THSD7A: variants seen among roughly 807,000 people sequenced by gnomAD.
THSD7A encodes thrombospondin type 1 domain containing 7A, also known as thrombospondin type-1 domain-containing protein 7A.
THSD7A carries 96 observed loss-of-function variants against 231.3 expected under a neutral mutation model. The observed-to-expected ratio is 0.41, with a 90% CI of 0.35 to 0.49. The LOEUF is 0.49. Among genes scored for constraint, THSD7A ranks in the 20% least tolerant of loss-of-function variants. The pLI, the probability that THSD7A is intolerant of heterozygous loss-of-function variation, is 0.05. For synonymous variants in THSD7A, 940 were observed against 743.3 expected (o/e 1.26, Z -4.30); for missense variants, 2,290 against 2,070.2 (o/e 1.11, Z -2.06).
intron 1 of THSD7A, among the ~76,000 whole-genome samples, chr7:11,701,797 G>A (rs1302566673): frequency 6.6e-6 from 1 of 151,162 alleles, no homozygotes; most frequent in Non-Finnish European, 1.5e-5. Context: ...CTTCTCAAAT[G>A]ACTGTAAACC....
At position 11,447,388 on chromosome 7, in the gene THSD7A, C is replaced by T; in HGVS notation, c.2642G>A (p.Gly881Glu). ...TGCATACTGTAGGCACTCATGGATTCCAGCCTGTCCTCCATCTTGCTTGCG... is the reference window on the plus strand; with the variant it reads ...TGCATACTGTAGGCACTCATGGATTTCAGCCTGTCCTCCATCTTGCTTGCG... Reference protein sequence around the residue: ...TCRKQDGGQAGIHECLQYAGP... With the variant: ...TCRKQDGGQAEIHECLQYAGP... Residue 881 changes from glycine to glutamate, a missense_variant, in exon 12 of 28, where the codon GGA (glycine) becomes GAA (glutamate). Coordinates refer to ENST00000423059, the MANE Select transcript of THSD7A (RefSeq NM_015204.3). The T allele has an allele frequency of 3.1e-6, 5 of 1,593,292 alleles. No homozygotes were observed. The highest frequency in any genetic ancestry group is 4.3e-6 in the Non-Finnish European group (5 of 1,171,318).
In THSD7A at chr7:11,411,072, T is replaced by C. The variant is rs1414837728; in HGVS notation, c.3798+135A>G. 1 of 622,880 alleles carries C rather than the reference T, an allele frequency of 1.6e-6. No homozygotes were observed. The highest frequency in any genetic ancestry group is 2.5e-4 in the Middle Eastern group (1 of 3,938). The allele number at this position is 622,880 out of a possible 1,614,324, so 38.6% of individuals were successfully genotyped here. On this transcript the variant is annotated intron_variant, in intron 19 of 27. Transcript: ENST00000423059. The surrounding 1 kb of genome is among the most constrained non-coding windows in gnomAD (Gnocchi z 4.1). ...TGGACATTGTGTCTTTTCAAGAACA[T>C]ACTTAGCCTGTGAACAGTGCAGAAA...
At chr7:11,803,006 C>T (rs1784316653) in intron 1 of THSD7A, among the ~76,000 whole-genome samples, 2 of 152,242 alleles carry the variant, frequency 1.3e-5, no homozygotes, top group African/African-American at 4.8e-5. Flanking sequence ...TATTAAATAA[C>T]ATCTGTGATA....
chr7:11,774,857 C>G (rs1783350742), intron 1 of THSD7A, among the ~76,000 whole-genome samples: 1 of 152,122 alleles, frequency 6.6e-6, no homozygotes, highest in African/African-American at 2.4e-5. Flanking sequence ...GAGTTCGAGA[C>G]CAGCCTGGCC....
intron 2 of THSD7A, among the ~76,000 whole-genome samples, chr7:11,622,107 T>C (rs1355442786): frequency 1.3e-5 from 2 of 152,250 alleles, no homozygotes; most frequent in East Asian, 1.9e-4. Flanking sequence ...GTAAAATGTA[T>C]ATATTTACAA....
Position 11,372,193 on chromosome 7 carries a change from A to G in THSD7A, c.*3601T>C, listed in dbSNP as rs1274892725. 1.3e-5 allele frequency: 2 copies of G among 152,120 alleles called. No individual in the cohort carries two copies. The highest frequency in any genetic ancestry group is 4.1e-4 in the South Asian group (2 of 4,832). The allele number at this position is 152,120 out of a possible 1,614,324, so 9.4% of individuals were successfully genotyped here. On this transcript the variant is annotated 3_prime_UTR_variant, in exon 28 of 28. Coordinates refer to ENST00000423059, the MANE Select transcript of THSD7A (RefSeq NM_015204.3). Reference sequence around the variant, plus strand: ...AATACTGTGGCCTAAAGACATGTACATTACGTAGGGGAAAATACTAACCCC... The same window carrying G: ...AATACTGTGGCCTAAAGACATGTACGTTACGTAGGGGAAAATACTAACCCC...
chr7:11,827,667 T>A (rs566771871), intron 1 of THSD7A, among the ~76,000 whole-genome samples: 1 of 152,222 alleles, frequency 6.6e-6, no homozygotes, highest in South Asian at 2.1e-4. Flanking sequence ...CCCACTCCCA[T>A]GGCTTGAAAT....
At chr7:11,551,208 G>C (rs1406441766) in intron 4 of THSD7A, among the ~76,000 whole-genome samples, 3 of 152,038 alleles carry the variant, frequency 2.0e-5, no homozygotes, top group African/African-American at 4.8e-5. Context: ...ATGGAGTAAA[G>C]ACTTAAATGT....
At chr7:11,376,381 C>T (rs1331071805) in intron 27 of THSD7A, among the ~76,000 whole-genome samples, 189 bp downstream of exon 27, 1 of 152,040 alleles carries the variant, frequency 6.6e-6, no homozygotes, top group African/African-American at 2.4e-5. Context: ...GCAGCAAGCT[C>T]TTGCTCATCT....
chr7:11,801,540 C>T (rs1367238971), intron 1 of THSD7A, among the ~76,000 whole-genome samples: 1 of 152,080 alleles, frequency 6.6e-6, no homozygotes, highest in East Asian at 1.9e-4. Context: ...AGTTCCAGAA[C>T]CCCTCAAAAT....
At chr7:11,541,050 C>T (rs1257581700) in intron 6 of THSD7A, among the ~76,000 whole-genome samples, 1 of 152,150 alleles carries the variant, frequency 6.6e-6, no homozygotes, top group Non-Finnish European at 1.5e-5. Context: ...GTTTACATTT[C>T]ATTTTCTATA....
At position 11,677,875 on chromosome 7, in the gene THSD7A, A is replaced by T. The variant is rs188817023; in HGVS notation, c.191-40914T>A. 2.8e-3 allele frequency among the ~76,000 whole-genome samples: 424 copies of T among 152,250 alleles called. 1 individual carries two copies. The highest frequency in any genetic ancestry group is 0.014 in the Middle Eastern group (4 of 294). On this transcript the variant is annotated intron_variant, in intron 1 of 27. Transcript: ENST00000423059. ...AGACGTCTACAAAACTCTCCACCCC[A>T]AATTGACAGAATATACATTCTTCTT... is the stretch of plus-strand genomic sequence containing the variant.
chr7:11,780,864 GC>G (rs954343697), intron 1 of THSD7A, among the ~76,000 whole-genome samples: 1 of 150,866 alleles, frequency 6.6e-6, no homozygotes, highest in African/African-American at 2.4e-5. Flanking sequence ...GGTGGCGGGC[GC>G]CTGTAGTCCC....
At chr7:11,432,903 T>A (rs567883497) in intron 13 of THSD7A, among the ~76,000 whole-genome samples, 4 of 151,976 alleles carry the variant, frequency 2.6e-5, no homozygotes, top group Admixed American at 1.3e-4. Context: ...AAATAAATTT[T>A]AAAAAATGGG....
chr7:11,449,015 G>A (rs1030685258), intron 11 of THSD7A, among the ~76,000 whole-genome samples: 12 of 152,052 alleles, frequency 7.9e-5, no homozygotes, highest in Non-Finnish European at 1.3e-4. Context: ...CCCCTTGAGG[G>A]AGGACACATC....
At chr7:11,463,101 C>T (rs371794322) in intron 9 of THSD7A, among the ~76,000 whole-genome samples, 3 of 152,216 alleles carry the variant, frequency 2.0e-5, no homozygotes, top group African/African-American at 4.8e-5. Context: ...ACATAGACTA[C>T]AGGAACAGAA....
At chr7:11,653,043 A>G (rs1335253679) in intron 1 of THSD7A, among the ~76,000 whole-genome samples, 1 of 151,910 alleles carries the variant, frequency 6.6e-6, no homozygotes, top group East Asian at 1.9e-4. Context: ...AGAGATTTAT[A>G]TGGCATTTAT....
intron 1 of THSD7A, among the ~76,000 whole-genome samples, chr7:11,728,683 T>C (rs925352203): frequency 2.0e-5 from 3 of 151,906 alleles, no homozygotes; most frequent in African/African-American, 7.2e-5. Flanking sequence ...TACTTTGAGG[T>C]TTGCATTGAT....
chr7:11,663,124 T>C (rs2128374107), intron 1 of THSD7A, among the ~76,000 whole-genome samples: 1 of 151,390 alleles, frequency 6.6e-6, no homozygotes. Context: ...AAAAGACTGA[T>C]ATTCATAAAT....
Sources: allele counts gnomAD v4.1 joint callset (sites outside exome capture counted in the v4.1 genomes callset), GRCh38; gene constraint gnomAD v4.1.1; non-coding constraint Gnocchi (gnomAD v3.1); transcripts MANE v1.5; gene names NCBI Gene and HGNC (gene_info 2026-07-23, HGNC 2026-07-21).